PAM: variants seen among roughly 807,000 people sequenced by gnomAD.
PAM encodes the protein peptidyl-glycine alpha-amidating monooxygenase.
In PAM, 72 loss-of-function variants were observed where a neutral mutation model predicts 122.1. The ratio of observed to expected loss-of-function variants is 0.59; its 90% CI spans 0.49 to 0.72. The LOEUF is 0.72. Among genes scored for constraint, PAM ranks in the 30% least tolerant of loss-of-function variants. The pLI, the probability that PAM is intolerant of heterozygous loss-of-function variation, is 0.00. For synonymous variants in PAM, 389 were observed against 404.4 expected (o/e 0.96, Z 0.46); for missense variants, 1,106 against 1,183.7 (o/e 0.93, Z 0.96).
chr5:102,784,136 G>A (rs1040063573), intron 1 of PAM, among the ~76,000 whole-genome samples: 7 of 151,784 alleles, frequency 4.6e-5, no homozygotes, highest in African/African-American at 1.7e-4. Flanking sequence ...CTTGTGATCC[G>A]CCCGCCTCAG....
At chr5:102,839,227 G>C (rs1210090006) in intron 1 of PAM, among the ~76,000 whole-genome samples, 1 of 152,072 alleles carries the variant, frequency 6.6e-6, no homozygotes, top group Non-Finnish European at 1.5e-5. Context: ...ATTCCATGTA[G>C]AATCATTATT....
chr5:102,988,747 A>G (rs77792494), intron 15 of PAM, among the ~76,000 whole-genome samples: 3,416 of 151,900 alleles, frequency 0.022, 130 homozygotes, highest in African/African-American at 0.079. Context: ...GGAAGGAAGG[A>G]AAGATGATGC....
intron 1 of PAM, among the ~76,000 whole-genome samples, chr5:102,798,161 C>A (rs925335897): frequency 3.3e-5 from 5 of 152,082 alleles, no homozygotes. Context: ...CACTGAATAA[C>A]ACTCAAATTT....
In PAM at chr5:103,003,678, T is replaced by C. The variant is rs192402500; in HGVS notation, c.1730+529T>C. Reference sequence around the variant, plus strand: ...GGTGATTTTAATATGTAGTCAAGCTTGTTACATATTACATATGTAATATAT... The same window carrying C: ...GGTGATTTTAATATGTAGTCAAGCTCGTTACATATTACATATGTAATATAT... On this transcript the variant is annotated intron_variant, in intron 17 of 25. Coordinates refer to ENST00000438793, the MANE Select transcript of PAM (RefSeq NM_001177306.2). Among the ~76,000 whole-genome samples the C allele has an allele frequency of 2.0e-4, 31 of 152,282 alleles. No individual in the cohort carries two copies. The East Asian group carries it at 4.6e-3, about 23-fold the overall frequency.
chr5:102,850,945 T>C (rs539377273), intron 1 of PAM, among the ~76,000 whole-genome samples: 1 of 152,176 alleles, frequency 6.6e-6, no homozygotes, highest in South Asian at 2.1e-4. Context: ...GTGGGACAAA[T>C]GTGGGGCGAC....
chr5:102,923,155 T>C (rs1414195900), intron 5 of PAM, among the ~76,000 whole-genome samples: 1 of 152,224 alleles, frequency 6.6e-6, no homozygotes, highest in East Asian at 1.9e-4. Context: ...TCTGGGTCCC[T>C]CACCCCTTAA....
intron 3 of PAM, among the ~76,000 whole-genome samples, chr5:102,884,335 A>G (rs541846041): frequency 6.6e-6 from 1 of 152,008 alleles, no homozygotes; most frequent in Non-Finnish European, 1.5e-5. Flanking sequence ...AAAAATCTCT[A>G]GAGGGATTTT....
intron 1 of PAM, among the ~76,000 whole-genome samples, chr5:102,861,506 A>G (rs1220522951): frequency 6.6e-6 from 1 of 150,550 alleles, no homozygotes. Flanking sequence ...CTGAAGACAG[A>G]CTGAGAAACT....
intron 12 of PAM, among the ~76,000 whole-genome samples, chr5:102,958,715 C>G (rs1761590040): frequency 6.6e-6 from 1 of 152,078 alleles, no homozygotes; most frequent in African/African-American, 2.4e-5. Flanking sequence ...CTCAAGGGCT[C>G]TATATTTTCA....
chr5:102,941,833 CAAAAAAAAAAAA>C (rs70990420), intron 7 of PAM, among the ~76,000 whole-genome samples: 7 of 58,382 alleles, frequency 1.2e-4, no homozygotes, highest in East Asian at 1.8e-3. Context: ...CCAGATGGTA[CAAAAAAAAAAAA>C]AAAAAAAAAA....
chr5:102,861,655 T>C (rs1308218624), intron 1 of PAM, among the ~76,000 whole-genome samples: 4 of 152,200 alleles, frequency 2.6e-5, no homozygotes, highest in Non-Finnish European at 5.9e-5. Context: ...TAGTAATGTA[T>C]CCATGTGAAT....
intron 7 of PAM, among the ~76,000 whole-genome samples, chr5:102,945,024 T>C (rs936805322): frequency 6.6e-6 from 1 of 152,160 alleles, no homozygotes; most frequent in African/African-American, 2.4e-5. Context: ...ATACATTTCT[T>C]AAAAATAAAA....
At chr5:102,805,791 G>A (rs1369129829) in intron 1 of PAM, among the ~76,000 whole-genome samples, 1 of 152,212 alleles carries the variant, frequency 6.6e-6, no homozygotes, top group Admixed American at 6.5e-5. Context: ...CACTGTGACA[G>A]TGTTGCAAAT....
At chr5:102,957,388 T>TC (rs1161923417) in intron 12 of PAM, among the ~76,000 whole-genome samples, 1 of 152,108 alleles carries the variant, frequency 6.6e-6, no homozygotes, top group Non-Finnish European at 1.5e-5. Context: ...ACCTACTGTA[T>TC]CCACGCCCCC....
At chr5:102,986,092 A>T (rs1028383127) in intron 15 of PAM, among the ~76,000 whole-genome samples, 5 of 152,200 alleles carry the variant, frequency 3.3e-5, no homozygotes, top group Non-Finnish European at 1.5e-5. Context: ...CTTCTACATA[A>T]TAAAGTCCCC....
intron 12 of PAM, among the ~76,000 whole-genome samples, 184 bp downstream of exon 12, chr5:102,951,004 T>A (rs915800657): frequency 1.3e-5 from 2 of 151,604 alleles, no homozygotes; most frequent in African/African-American, 2.4e-5. Flanking sequence ...CATGTGCTCA[T>A]TTTTTTGTGC....
chr5:102,803,586 G>A (rs1765459158), intron 1 of PAM, among the ~76,000 whole-genome samples: 1 of 152,104 alleles, frequency 6.6e-6, no homozygotes, highest in East Asian at 1.9e-4. Context: ...ATGTGACACA[G>A]GAGGAACCAT....
chr5:102,887,133 T>TGTTGAAA (rs1793367972), intron 3 of PAM, among the ~76,000 whole-genome samples: 1 of 152,016 alleles, frequency 6.6e-6, no homozygotes. Flanking sequence ...CCAGAACTCA[T>TGTTGAAA]GTTGAAAGTT....
At chr5:103,021,813 A>G (rs1783633893) in intron 23 of PAM, among the ~76,000 whole-genome samples, 1 of 152,190 alleles carries the variant, frequency 6.6e-6, no homozygotes. Context: ...CACCCTTTAT[A>G]AAAGAGAAGG....
Sources: gnomAD v4.1 joint callset for allele counts (sites outside exome capture counted in the v4.1 genomes callset) on GRCh38, gnomAD v4.1.1 for gene constraint, MANE v1.5 for transcripts, NCBI Gene and HGNC (gene_info 2026-07-23, HGNC 2026-07-21) for gene names.